The following BLK variants were observed in gnomAD, a reference collection of about 807,000 sequenced individuals.
BLK encodes the protein BLK proto-oncogene, Src family tyrosine kinase.
Under a neutral mutation model 61.8 loss-of-function variants are expected in BLK, and 64 were observed. The observed-to-expected ratio is 1.03, with a 90% confidence interval of 0.85 to 1.27. The LOEUF is 1.27. BLK is among the 50% of genes most tolerant of loss of function. The pLI is 0.00. For missense variants in BLK, 853 were observed against 660.5 expected, an observed-to-expected ratio of 1.29 and a Z score of -3.19; for synonymous variants, 351 against 272.0, an observed-to-expected ratio of 1.29 and a Z score of -2.86.
At chr8:11,520,813 G>A (rs1429633050) in intron 1 of BLK, among the ~76,000 whole-genome samples, 1 of 152,136 alleles carries the variant, frequency 6.6e-6, no homozygotes, top group African/African-American at 2.4e-5. Flanking sequence ...TAATTGAAAA[G>A]CTATTAGAGC....
Position 11,548,747 on chromosome 8 carries a change from G to A in BLK, c.270-277G>A, listed in dbSNP as rs542456943. On this transcript the variant is annotated intron_variant, in intron 4 of 12. Transcript: ENST00000259089. ...TGTCCCCAGTCCCTCACCAAGCTCT[G>A]AACACGTCCCATTCATCAAGAGGAA... 6.6e-5 allele frequency among the ~76,000 whole-genome samples: 10 copies of A among 152,318 alleles called. No homozygotes were observed. In the South Asian group the frequency reaches 2.1e-3, roughly 32 times the overall value.
chr8:11,536,999 T>C (rs1456171905), intron 1 of BLK, among the ~76,000 whole-genome samples: 1 of 152,206 alleles, frequency 6.6e-6, no homozygotes, highest in South Asian at 2.1e-4. Context: ...TAGTTCATGG[T>C]TGACAGCAAC....
rs771258207 is a variant in BLK at position 11,547,997 on chromosome 8, C to T, written c.176-35C>T. On this transcript the variant is annotated intron_variant, in intron 3 of 12. Coordinates refer to ENST00000259089, the MANE Select transcript of BLK (RefSeq NM_001715.3). ...CAGCCCCACCTTCCCGCTTGTGGGC[C>T]TGAGTGGTGGTCATCTCTCCCTTGT... 4.4e-6 allele frequency: 7 copies of T among 1,583,928 alleles called. No homozygotes were observed. The South Asian group carries it at 5.5e-5, about 13-fold the overall frequency.
intron 1 of BLK, among the ~76,000 whole-genome samples, chr8:11,502,829 G>C (rs1224847004): frequency 6.6e-6 from 1 of 152,134 alleles, no homozygotes; most frequent in African/African-American, 2.4e-5. Flanking sequence ...TGACAGCGGA[G>C]GCCCAGGTGG....
chr8:11,563,221 C>G, intron 12 of BLK, 111 bp downstream of exon 12: 1 of 1,500,052 alleles, frequency 6.7e-7, no homozygotes, highest in South Asian at 1.2e-5. Context: ...GAGTGAGTCC[C>G]AGAGCGAAGA....
intron 1 of BLK, among the ~76,000 whole-genome samples, chr8:11,500,373 T>C (rs892441747): frequency 6.6e-6 from 1 of 151,386 alleles, no homozygotes; most frequent in Non-Finnish European, 1.5e-5. Flanking sequence ...TTTGTATTTT[T>C]TTGATAGAGA....
intron 1 of BLK, among the ~76,000 whole-genome samples, chr8:11,510,858 A>G (rs1468161012): frequency 6.6e-6 from 1 of 152,140 alleles, no homozygotes; most frequent in African/African-American, 2.4e-5. Context: ...AGTTGCTTCT[A>G]TTTCTACTTT....
chr8:11,554,784 G>T lies in BLK; in HGVS notation c.514G>T (p.Glu172Ter), dbSNP rs200436247. 7.4e-6 allele frequency: 12 copies of T among 1,614,008 alleles called. No homozygotes were observed. In the African/African-American group the frequency reaches 1.1e-4, roughly 14 times the overall value. Reference sequence around the variant, plus strand: ...TGTGAAGGATGTCACCACCCAGGGGGAGCTGATCAAGCACTATAAGATCCG... The same window carrying T: ...TGTGAAGGATGTCACCACCCAGGGGTAGCTGATCAAGCACTATAAGATCCG... Reference protein sequence around the residue: ...LSVKDVTTQGELIKHYKIRCL... With the variant: ...LSVKDVTTQG Residue 172 changes from glutamate to a stop codon, truncating the protein, a stop_gained, in exon 7 of 13, where the codon GAG (glutamate) becomes TAG (stop). Transcript: ENST00000259089. LOFTEE classifies it high-confidence loss of function.
At chr8:11,553,169 T>C (rs1483361043) in intron 6 of BLK, 4 of 187,718 alleles carry the variant, frequency 2.1e-5, no homozygotes, top group Non-Finnish European at 3.4e-5. Flanking sequence ...CAGCAGTGAA[T>C]GCAAGACAGG....
chr8:11,527,705 G>T (rs1799716194), intron 1 of BLK, among the ~76,000 whole-genome samples: 1 of 151,628 alleles, frequency 6.6e-6, no homozygotes, highest in Admixed American at 6.6e-5. Flanking sequence ...TGGGGCCACA[G>T]GACAAGTTGA....
intron 10 of BLK, chr8:11,559,893 C>T (rs2117589146): frequency 2.2e-6 from 1 of 455,426 alleles, no homozygotes; most frequent in Non-Finnish European, 4.4e-6. Flanking sequence ...TTCCCGGAAG[C>T]ACTGTTCTTG....
intron 1 of BLK, among the ~76,000 whole-genome samples, chr8:11,496,485 C>G (rs1798362839): frequency 6.6e-6 from 1 of 152,222 alleles, no homozygotes; most frequent in African/African-American, 2.4e-5. Flanking sequence ...TCAAGCCATC[C>G]TCCCACTTTG....
intron 6 of BLK, among the ~76,000 whole-genome samples, chr8:11,554,529 G>A (rs1346234324): frequency 1.3e-5 from 2 of 152,196 alleles, no homozygotes; most frequent in Non-Finnish European, 2.9e-5. Flanking sequence ...GATAGTGGGG[G>A]GATGCCAAGG....
chr8:11,555,875 C>A (rs1029600885), intron 8 of BLK: 8 of 341,982 alleles, frequency 2.3e-5, no homozygotes, highest in Non-Finnish European at 4.6e-5. Flanking sequence ...GAGTGCACAC[C>A]GAGGGCAGCC....
chr8:11,505,546 G>A (rs772518295), intron 1 of BLK, among the ~76,000 whole-genome samples: 2 of 152,152 alleles, frequency 1.3e-5, no homozygotes, highest in Non-Finnish European at 2.9e-5. Flanking sequence ...TTGCTCCCAA[G>A]CTCCATTGCT....
At chr8:11,547,246 C>T (rs1229307420) in intron 3 of BLK, among the ~76,000 whole-genome samples, 1 of 152,268 alleles carries the variant, frequency 6.6e-6, no homozygotes, top group Non-Finnish European at 1.5e-5. Context: ...ACCACTGTCA[C>T]CCATTCTGAC....
In BLK at chr8:11,550,035, C is replaced by T. The variant is rs542286909; in HGVS notation, c.369-124C>T. On this transcript the variant is annotated intron_variant, in intron 5 of 12. Coordinates refer to ENST00000259089, the MANE Select transcript of BLK (RefSeq NM_001715.3). ...GGTGTGAGGAGCAGCAGCTCAGGGCCGACTGGGACCAGAAATGCTAGATTT... is the reference window on the plus strand; with the variant it reads ...GGTGTGAGGAGCAGCAGCTCAGGGCTGACTGGGACCAGAAATGCTAGATTT... The T allele has an allele frequency of 3.3e-5, 29 of 872,484 alleles. No homozygotes were observed. The East Asian group carries it at 5.7e-4, about 17-fold the overall frequency. The allele number at this position is 872,484 out of a possible 1,614,324, so 54.0% of individuals were successfully genotyped here. A position where few individuals can be genotyped will look rare whatever the true frequency, so the allele number is the denominator to read the frequency against.
intron 7 of BLK, 118 bp from the exon 8 acceptor site, chr8:11,555,214 C>G (rs1007803860): frequency 1.5e-5 from 21 of 1,377,342 alleles, no homozygotes; most frequent in African/African-American, 1.4e-4. Context: ...TGTGCACACA[C>G]CCATGCAGGG....
intron 1 of BLK, among the ~76,000 whole-genome samples, chr8:11,506,558 G>T (rs1369969135): frequency 6.6e-6 from 1 of 152,198 alleles, no homozygotes; most frequent in Non-Finnish European, 1.5e-5. Flanking sequence ...TGCAAAAACA[G>T]AAAAGCTATC....
Sources: allele counts gnomAD v4.1 joint callset (sites outside exome capture counted in the v4.1 genomes callset), GRCh38; gene constraint gnomAD v4.1.1; transcripts MANE v1.5; gene names NCBI Gene and HGNC (gene_info 2026-07-23, HGNC 2026-07-21).